Variants in SPMIP3 observed in about 807,000 individuals in gnomAD.
SPMIP3 encodes the protein sperm microtubule inner protein 3, also known as protein SPMIP3.
At chr1:244,355,131 T>C in the SPMIP3 span, among the ~76,000 whole-genome samples, 26 of 152,202 alleles carry the variant, frequency 1.7e-4, no homozygotes, top group Admixed American at 1.7e-3. Flanking sequence ...GCTTGAGCCT[T>C]GGGGTCAGAC....
the SPMIP3 span, among the ~76,000 whole-genome samples, chr1:244,373,031 A>G: frequency 6.6e-6 from 1 of 152,154 alleles, no homozygotes; most frequent in East Asian, 1.9e-4. Flanking sequence ...TGTCCCACAT[A>G]AAGCACTACA....
At chr1:244,366,828 C>T in the SPMIP3 span, among the ~76,000 whole-genome samples, 36 of 151,990 alleles carry the variant, frequency 2.4e-4, no homozygotes, top group Middle Eastern at 3.4e-3. Flanking sequence ...TGCGATGAGC[C>T]GAGATCGCAC....
the SPMIP3 span, among the ~76,000 whole-genome samples, chr1:244,373,714 A>T: frequency 6.6e-6 from 1 of 151,914 alleles, no homozygotes; most frequent in Non-Finnish European, 1.5e-5. Context: ...AGTTTTTGCC[A>T]TTGAAAGTAA....
chr1:244,360,556 A>ACACACACACACG, the SPMIP3 span, among the ~76,000 whole-genome samples: 1 of 24,226 alleles, frequency 4.1e-5, no homozygotes, highest in Admixed American at 5.9e-4. Context: ...ACACACACAC[A>ACACACACACACG]CATGCATGCA....
chr1:244,375,460 G>C, the SPMIP3 span: 3 of 1,613,078 alleles, frequency 1.9e-6, no homozygotes, highest in Non-Finnish European at 2.5e-6. Context: ...TGCAAAGAGA[G>C]CTCCCAGGTG....
At chr1:244,354,257 C>G in the SPMIP3 span, among the ~76,000 whole-genome samples, 1 of 151,930 alleles carries the variant, frequency 6.6e-6, no homozygotes, top group Non-Finnish European at 1.5e-5. Flanking sequence ...TAATAACTTG[C>G]TAGTTTTCAT....
chr1:244,368,160 T>C, the SPMIP3 span, among the ~76,000 whole-genome samples: 19 of 152,276 alleles, frequency 1.2e-4, no homozygotes, highest in East Asian at 3.3e-3. Flanking sequence ...GGTTTCACCA[T>C]GTTGGCCAGG....
At chr1:244,361,792 G>A in the SPMIP3 span, among the ~76,000 whole-genome samples, 62,004 of 152,066 alleles carry the variant, frequency 0.41, 13,204 homozygotes, top group Middle Eastern at 0.51. Context: ...AGAATTTCTA[G>A]GCACTGAGCA....
chr1:244,375,028 T>C, the SPMIP3 span: 1 of 159,818 alleles, frequency 6.3e-6, no homozygotes, highest in African/African-American at 2.4e-5. Flanking sequence ...ACTGGTTTTA[T>C]ATATCCACTT....
chr1:244,373,346 A>G, the SPMIP3 span, among the ~76,000 whole-genome samples: 2 of 138,506 alleles, frequency 1.4e-5, 1 homozygote. Context: ...ATATATATAT[A>G]TATGCATGCC....
At chr1:244,386,567 C>T in the SPMIP3 span, among the ~76,000 whole-genome samples, 4 of 152,262 alleles carry the variant, frequency 2.6e-5, no homozygotes. Context: ...AATGGAATTC[C>T]TCACACTTCT....
the SPMIP3 span, chr1:244,389,020 G>C: frequency 6.8e-6 from 11 of 1,613,874 alleles, no homozygotes; most frequent in East Asian, 2.5e-4. Flanking sequence ...GAGCTCTACT[G>C]TTGTGAAGAG....
chr1:244,353,563 G>A, the SPMIP3 span, among the ~76,000 whole-genome samples: 1,985 of 152,232 alleles, frequency 0.013, 40 homozygotes, highest in African/African-American at 0.045. Context: ...ACCAAAATGC[G>A]TAGGAGAATC....
the SPMIP3 span, among the ~76,000 whole-genome samples, chr1:244,361,235 C>CTTTTTTTTTTTT: frequency 6.5e-4 from 77 of 119,300 alleles, 2 homozygotes; most frequent in Non-Finnish European, 8.6e-4. Context: ...TTCTTTCTTT[C>CTTTTTTTTTTTT]TTTTTTTTTT....
the SPMIP3 span, chr1:244,389,039 C>T: frequency 6.2e-7 from 1 of 1,613,512 alleles, no homozygotes; most frequent in Non-Finnish European, 8.5e-7. Context: ...AGAGAAGCAG[C>T]TTTGAAAGAA....
At chr1:244,381,530 C>T in the SPMIP3 span, among the ~76,000 whole-genome samples, 7 of 152,258 alleles carry the variant, frequency 4.6e-5, no homozygotes, top group Admixed American at 2.0e-4. Context: ...TGTATTGTGC[C>T]GGGACATAGA....
the SPMIP3 span, among the ~76,000 whole-genome samples, chr1:244,366,421 T>G: frequency 6.6e-6 from 1 of 152,208 alleles, no homozygotes; most frequent in African/African-American, 2.4e-5. Flanking sequence ...CCACTTGGTA[T>G]CACAAAGTGT....
chr1:244,356,001 A>G, the SPMIP3 span, among the ~76,000 whole-genome samples: 1 of 152,174 alleles, frequency 6.6e-6, no homozygotes, highest in African/African-American at 2.4e-5. Flanking sequence ...TTAATCTTGT[A>G]TCCTATGATC....
chr1:244,387,054 G>A, the SPMIP3 span, among the ~76,000 whole-genome samples: 1 of 152,232 alleles, frequency 6.6e-6, no homozygotes, highest in Admixed American at 6.5e-5. Flanking sequence ...CTGTAATCCC[G>A]CACTTTGGGA....
Sources: allele counts gnomAD v4.1 joint callset (sites outside exome capture counted in the v4.1 genomes callset), GRCh38; gene constraint gnomAD v4.1.1; transcripts MANE v1.5; gene names NCBI Gene and HGNC (gene_info 2026-07-23, HGNC 2026-07-21).